The following PHF14 variants were observed in gnomAD, a reference collection of about 807,000 sequenced individuals.
The protein encoded by PHF14 is PHD finger protein 14.
In PHF14, 55 loss-of-function variants were observed where a neutral mutation model predicts 117.9. That is an observed-to-expected ratio of 0.47 (90% confidence interval 0.38 to 0.58). PHF14 has a LOEUF of 0.58. PHF14 is among the 20% of genes least tolerant of loss of function. The probability of loss-of-function intolerance (pLI) is 0.00; values close to 1 mark genes in which losing one functional copy is unlikely to be tolerated. For missense variants in PHF14, 978 were observed against 1,122.2 expected (o/e 0.87, Z 1.84); for synonymous variants, 409 against 368.6 (o/e 1.11, Z -1.26).
intron 1 of PHF14, 24 bp from the exon 2 acceptor site, chr7:10,974,811 A>G (rs1203947618): frequency 3.4e-6 from 4 of 1,171,642 alleles, no homozygotes; most frequent in Admixed American, 2.2e-5. Context: ...TATGAATGAC[A>G]ATGTAATTTT....
intron 17 of PHF14, among the ~76,000 whole-genome samples, chr7:11,156,221 G>A (rs1788845368): frequency 6.6e-6 from 1 of 152,124 alleles, no homozygotes; most frequent in African/African-American, 2.4e-5. Context: ...AAATAGGGAC[G>A]TTATTTTTGA....
intron 16 of PHF14, among the ~76,000 whole-genome samples, chr7:11,082,275 CAT>C (rs1327626134): frequency 6.6e-6 from 1 of 151,956 alleles, no homozygotes; most frequent in Non-Finnish European, 1.5e-5. Flanking sequence ...GAGCTTGGGA[CAT>C]ATTGAGGCTG....
At chr7:11,138,805 A>G (rs1788319647) in intron 17 of PHF14, among the ~76,000 whole-genome samples, 1 of 152,148 alleles carries the variant, frequency 6.6e-6, no homozygotes, top group Non-Finnish European at 1.5e-5. Flanking sequence ...GACTTCTGTT[A>G]TTTTATACTC....
chr7:10,996,075 C>G (rs549059495), intron 4 of PHF14, among the ~76,000 whole-genome samples: 2 of 152,210 alleles, frequency 1.3e-5, no homozygotes, highest in Non-Finnish European at 2.9e-5. Context: ...GCTGCCAGCA[C>G]GCTGTCACCT....
intron 2 of PHF14, among the ~76,000 whole-genome samples, chr7:10,977,047 G>A (rs1317950692): frequency 6.6e-6 from 1 of 151,634 alleles, no homozygotes; most frequent in African/African-American, 2.4e-5. Context: ...TTGATGCTCT[G>A]CATAGCTGAG....
chr7:11,025,583 G>A (rs752922427), intron 6 of PHF14, among the ~76,000 whole-genome samples: 4 of 151,570 alleles, frequency 2.6e-5, no homozygotes, highest in Admixed American at 2.0e-4. Flanking sequence ...CACGAGATCA[G>A]GAGATCAAGA....
rs780716011 is a variant in PHF14, at chr7:11,111,370, G to C, written c.2675G>C (p.Cys892Ser). Residue 892 changes from cysteine to serine, a missense_variant, in exon 17 of 18, where the codon TGC (cysteine) becomes TCC (serine). This residue lies in a region of PHF14 where 180 missense variants were observed against 195.4 expected (regional missense o/e 0.92). Transcript: ENST00000634607. ...TGCAGGTGTGATGAATGCAGACTCT[G>C]CTACCATTTTGGCTGTTTGGATCCT... is the stretch of plus-strand genomic sequence containing the variant. ...NLVRCDECRL[C>S]YHFGCLDPPL... 1 of 1,599,712 alleles carries C rather than the reference G, an allele frequency of 6.3e-7. No homozygotes were observed. Among genetic ancestry groups the C allele is most frequent in the African/African-American group, 1.3e-5 (1 of 74,600 alleles).
intron 17 of PHF14, among the ~76,000 whole-genome samples, chr7:11,158,141 T>G (rs1788920635): frequency 6.6e-6 from 1 of 152,158 alleles, no homozygotes; most frequent in Non-Finnish European, 1.5e-5. Context: ...TTACCAGTTT[T>G]GCCACTAGTG....
At chr7:10,989,553 T>C (rs1412260238) in intron 3 of PHF14, among the ~76,000 whole-genome samples, 2 of 152,218 alleles carry the variant, frequency 1.3e-5, no homozygotes, top group African/African-American at 4.8e-5. Context: ...AAATCTATAA[T>C]GCAGAAGGTT....
At chr7:11,011,036 G>C (rs1258112844) in intron 4 of PHF14, among the ~76,000 whole-genome samples, 1 of 152,170 alleles carries the variant, frequency 6.6e-6, no homozygotes, top group Admixed American at 6.5e-5. Context: ...GCTTGAAGCA[G>C]CTTGTGTAAG....
chr7:11,051,687 A>T lies in PHF14; in HGVS notation c.2388A>T (p.Gly796=), dbSNP rs1030809223. The change falls in exon 14 of 18, where the codon GGA becomes GGT. Residue 796 remains glycine, a synonymous_variant. Coordinates refer to ENST00000634607, the MANE Select transcript of PHF14 (RefSeq NM_001007157.2). ...ADMAMETLPD[G]TKRSRRQIKE... is the part of the protein sequence containing the mutation. ...TGGCCATGGAAACCCTACCAGATGG[A>T]ACCAAACGATCAAGGAGGCAGATTA... The T allele has an allele frequency of 2.5e-6, 4 of 1,613,612 alleles. No homozygotes were observed. The highest frequency in any genetic ancestry group is 3.4e-6 in the Non-Finnish European group (4 of 1,179,758).
intron 7 of PHF14, among the ~76,000 whole-genome samples, chr7:11,033,230 G>A (rs749391240): frequency 1.3e-5 from 2 of 152,134 alleles, no homozygotes; most frequent in African/African-American, 2.4e-5. Flanking sequence ...ACCAAGTAAC[G>A]AGTTGCTTAA....
intron 17 of PHF14, among the ~76,000 whole-genome samples, chr7:11,144,267 A>T (rs776148137): frequency 6.6e-5 from 10 of 152,116 alleles, no homozygotes; most frequent in Non-Finnish European, 2.9e-5. Flanking sequence ...TGTTGGTGGT[A>T]ATGTAAATTC....
At chr7:11,073,895 G>C (rs549518924) in intron 16 of PHF14, among the ~76,000 whole-genome samples, 1 of 152,290 alleles carries the variant, frequency 6.6e-6, no homozygotes, top group East Asian at 1.9e-4. Flanking sequence ...GCTGTACCTG[G>C]TGATGTGAGC....
intron 16 of PHF14, among the ~76,000 whole-genome samples, chr7:11,085,902 C>A (rs954985754): frequency 4.6e-5 from 7 of 151,612 alleles, no homozygotes; most frequent in Non-Finnish European, 1.0e-4. Context: ...AAAAAAAAAA[C>A]TGTGGTTAAA....
intron 16 of PHF14, among the ~76,000 whole-genome samples, chr7:11,076,413 T>A (rs763695340): frequency 6.6e-6 from 1 of 151,970 alleles, no homozygotes; most frequent in Non-Finnish European, 1.5e-5. Context: ...TGCTGTTTAG[T>A]TGTATTTAAT....
chr7:11,027,401 A>G (rs1411156056), intron 6 of PHF14, among the ~76,000 whole-genome samples: 1 of 152,108 alleles, frequency 6.6e-6, no homozygotes, highest in African/African-American at 2.4e-5. Context: ...CACTTTGAAT[A>G]CTTATATTAA....
intron 4 of PHF14, among the ~76,000 whole-genome samples, chr7:11,002,740 G>A (rs959818667): frequency 6.6e-6 from 1 of 151,496 alleles, no homozygotes; most frequent in African/African-American, 2.4e-5. Context: ...CACCGCGCCC[G>A]GCCAAAAATT....
intron 2 of PHF14, among the ~76,000 whole-genome samples, chr7:10,977,122 A>T (rs1237063536): frequency 6.6e-6 from 1 of 151,940 alleles, no homozygotes; most frequent in Non-Finnish European, 1.5e-5. Context: ...GAGATAGTAT[A>T]TATTTAGTTG....
Sources: allele counts gnomAD v4.1 joint callset (sites outside exome capture counted in the v4.1 genomes callset), GRCh38; gene constraint gnomAD v4.1.1; regional missense constraint gnomAD v4.1.1; transcripts MANE v1.5; gene names NCBI Gene and HGNC (gene_info 2026-07-23, HGNC 2026-07-21).